Variants in TMEM132B observed in about 807,000 individuals in gnomAD.
TMEM132B encodes transmembrane protein 132B.
A neutral mutation model predicts 90.8 loss-of-function variants in TMEM132B; 18 were observed. The ratio of observed to expected loss-of-function variants is 0.20; its 90% confidence interval spans 0.14 to 0.29. The LOEUF (loss-of-function observed/expected upper bound fraction) is 0.29, where lower values mean the gene tolerates loss of function less well. Ranked by LOEUF, TMEM132B falls within the 10% of genes least tolerant of loss-of-function variation. TMEM132B has a pLI of 1.00. For synonymous variants in TMEM132B, 504 were observed against 523.3 expected (o/e 0.96, Z 0.50); for missense variants, 1,096 against 1,326.8 (o/e 0.83, Z 2.70).
At chr12:125,433,977 C>T (rs1880622598) in intron 3 of TMEM132B, among the ~76,000 whole-genome samples, 1 of 152,110 alleles carries the variant, frequency 6.6e-6, no homozygotes, top group Non-Finnish European at 1.5e-5. Context: ...GCTGACATAA[C>T]AGATTATCAA....
At chr12:125,648,530 G>GTTTTTTTTTT (rs60114108) in intron 6 of TMEM132B, among the ~76,000 whole-genome samples, 1 of 132,510 alleles carries the variant, frequency 7.5e-6, no homozygotes. Flanking sequence ...AAGATCTCCT[G>GTTTTTTTTTT]TTTTTTTTTT....
At chr12:125,396,050 TTTGA>T (rs1188877827) in intron 2 of TMEM132B, among the ~76,000 whole-genome samples, 2 of 152,206 alleles carry the variant, frequency 1.3e-5, no homozygotes, top group Non-Finnish European at 2.9e-5. Context: ...GACACAATGC[TTTGA>T]TTGGCCACAT....
chr12:125,339,934 C>T (rs1877123500), intron 1 of TMEM132B, among the ~76,000 whole-genome samples: 1 of 152,176 alleles, frequency 6.6e-6, no homozygotes, highest in African/African-American at 2.4e-5. Context: ...AACACTCCTA[C>T]ATAATAAACT....
intron 1 of TMEM132B, among the ~76,000 whole-genome samples, chr12:125,347,621 T>C (rs1201556117): frequency 6.6e-6 from 1 of 152,222 alleles, no homozygotes; most frequent in Non-Finnish European, 1.5e-5. Flanking sequence ...TCTCTGCTGT[T>C]TCCTCCTCTG....
rs10846903 is a variant in TMEM132B, at chr12:125,498,547, A to T, written c.1107-20892A>T. ...ATTACATAATAGGACATTGCAGTCC[A>T]TGTGCCACGTCTTGTTAGCCTGTGT... is the stretch of plus-strand genomic sequence containing the variant. On this transcript the variant is annotated intron_variant, in intron 3 of 8. Coordinates refer to ENST00000682704, the MANE Select transcript of TMEM132B (RefSeq NM_001366854.1). The surrounding 1 kb of genome is among the most constrained non-coding windows in gnomAD (Gnocchi z 4.5). 0.48 allele frequency among the ~76,000 whole-genome samples: 72,367 copies of T among 152,058 alleles called. 17,554 individuals carry two copies. The highest frequency in any genetic ancestry group is 0.54 in the Middle Eastern group (159 of 294).
In TMEM132B at chr12:125,289,822, C is replaced by T. The variant is rs569919724; in HGVS notation, c.68-59630C>T. Among the ~76,000 whole-genome samples, 14 of 152,300 alleles carry T rather than the reference C, an allele frequency of 9.2e-5. No individual in the cohort carries two copies. The South Asian group carries it at 2.1e-3, about 23-fold the overall frequency. Reference sequence around the variant, plus strand: ...CTCCAGGGTGCATGGGCTCAACCATCGGGCCACACTGTCTCTGGACAGAGG... The same window carrying T: ...CTCCAGGGTGCATGGGCTCAACCATTGGGCCACACTGTCTCTGGACAGAGG... On this transcript the variant is annotated intron_variant, in intron 1 of 8. Coordinates refer to ENST00000682704, the MANE Select transcript of TMEM132B (RefSeq NM_001366854.1).
At chr12:125,516,480 A>G (rs1481086251) in intron 3 of TMEM132B, among the ~76,000 whole-genome samples, 1 of 152,206 alleles carries the variant, frequency 6.6e-6, no homozygotes, top group Non-Finnish European at 1.5e-5. Context: ...AAACCTGTAC[A>G]TAAAAGAAGC....
chr12:125,480,868 C>T (rs1882019365), intron 3 of TMEM132B, among the ~76,000 whole-genome samples: 1 of 152,128 alleles, frequency 6.6e-6, no homozygotes, highest in African/African-American at 2.4e-5. Context: ...CAATAAAATA[C>T]TGGCAAACCG....
chr12:125,281,803 C>T (rs908852570), intron 1 of TMEM132B, among the ~76,000 whole-genome samples: 3 of 151,736 alleles, frequency 2.0e-5, no homozygotes, highest in Non-Finnish European at 4.4e-5. Context: ...CCGAGGTGGG[C>T]GGATCACGAG....
At chr12:125,522,911 G>A (rs1047519419) in intron 4 of TMEM132B, among the ~76,000 whole-genome samples, 1 of 152,172 alleles carries the variant, frequency 6.6e-6, no homozygotes, top group Admixed American at 6.5e-5. Context: ...CACAGAGCAG[G>A]TAATGAGGGG....
At chr12:125,535,980 C>G (rs900199719) in intron 4 of TMEM132B, among the ~76,000 whole-genome samples, 30 of 152,282 alleles carry the variant, frequency 2.0e-4, no homozygotes, top group African/African-American at 7.2e-4. Flanking sequence ...GTCTTGTGGG[C>G]TGTTAAGAAT....
chr12:125,235,766 T>G (rs1050629696), intron 1 of TMEM132B, among the ~76,000 whole-genome samples: 2 of 151,770 alleles, frequency 1.3e-5, no homozygotes, highest in African/African-American at 2.4e-5. Context: ...AGTTTTGAGG[T>G]CTATCTATGT....
At chr12:125,278,579 G>C (rs1875070741) in intron 1 of TMEM132B, among the ~76,000 whole-genome samples, 1 of 151,352 alleles carries the variant, frequency 6.6e-6, no homozygotes, top group African/African-American at 2.4e-5. Context: ...AACTAGTGAG[G>C]GCTGGCTAGG....
At chr12:125,418,021 C>G (rs937462055) in intron 3 of TMEM132B, among the ~76,000 whole-genome samples, 1 of 152,156 alleles carries the variant, frequency 6.6e-6, no homozygotes, top group South Asian at 2.1e-4. Flanking sequence ...CCCCAGTTAC[C>G]TTAGTCTCAT....
At chr12:125,371,769 G>C (rs998023584) in intron 2 of TMEM132B, among the ~76,000 whole-genome samples, 1 of 152,226 alleles carries the variant, frequency 6.6e-6, no homozygotes, top group African/African-American at 2.4e-5. Context: ...CAAAGGGACA[G>C]TATTAGCACT....
chr12:125,479,805 A>C (rs1421148259), intron 3 of TMEM132B, among the ~76,000 whole-genome samples: 1 of 152,198 alleles, frequency 6.6e-6, no homozygotes, highest in African/African-American at 2.4e-5. Flanking sequence ...CAGAATATAC[A>C]TTCTTCTCAG....
intron 2 of TMEM132B, among the ~76,000 whole-genome samples, chr12:125,380,675 A>G (rs958810511): frequency 4.6e-5 from 7 of 152,128 alleles, no homozygotes; most frequent in African/African-American, 1.4e-4. Context: ...CCTGCAGGCT[A>G]TGATTTCCAG....
At position 125,270,534 on chromosome 12, in the gene TMEM132B, G is replaced by C. The variant is rs74926027; in HGVS notation, c.68-78918G>C. 1.0e-2 allele frequency among the ~76,000 whole-genome samples: 1,517 copies of C among 152,312 alleles called. 13 individuals are homozygous for C. Among genetic ancestry groups the C allele is most frequent in the Non-Finnish European group, 0.017 (1,124 of 68,034 alleles). On this transcript the variant is annotated intron_variant, in intron 1 of 8. Transcript: ENST00000682704. Reference sequence around the variant, plus strand: ...GCAACTGGGAAGAGGAAACAGGAGAGGAGGGAAGAATGAATCCAAGGCTGC... The same window carrying C: ...GCAACTGGGAAGAGGAAACAGGAGACGAGGGAAGAATGAATCCAAGGCTGC...
intron 5 of TMEM132B, chr12:125,622,416 G>A: frequency 1.0e-6 from 1 of 956,448 alleles, no homozygotes; most frequent in African/African-American, 1.8e-5. Flanking sequence ...GTCACCATGG[G>A]AGCCAGGTCT....
Sources: gnomAD v4.1 joint callset for allele counts (sites outside exome capture counted in the v4.1 genomes callset) on GRCh38, gnomAD v4.1.1 for gene constraint, Gnocchi (gnomAD v3.1) non-coding constraint, MANE v1.5 for transcripts, NCBI Gene and HGNC (gene_info 2026-07-23, HGNC 2026-07-21) for gene names.